The following B4GALNT4 variants were observed in gnomAD, a reference collection of about 807,000 sequenced individuals.
B4GALNT4 encodes the protein N-acetyl-beta-glucosaminyl-glycoprotein 4-beta-N-acetylgalactosaminyltransferase 1.
In B4GALNT4, 77 loss-of-function variants were observed where a neutral mutation model predicts 110.0. The ratio of observed to expected loss-of-function variants is 0.70; its 90% CI spans 0.58 to 0.85. B4GALNT4 has a LOEUF of 0.85. Ranked by LOEUF, B4GALNT4 falls within the 40% of genes least tolerant of loss-of-function variation. The probability of loss-of-function intolerance (pLI) is 0.00; values close to 1 mark genes in which losing one functional copy is unlikely to be tolerated. For synonymous variants in B4GALNT4, 785 were observed against 655.5 expected (o/e 1.20, Z -3.02); for missense variants, 1,575 against 1,506.0 (o/e 1.05, Z -0.76).
rs1846649400 is a variant in B4GALNT4 at position 373,101 on chromosome 11, C to T, written c.520C>T (p.His174Tyr). Residue 174 changes from histidine to tyrosine, a missense_variant, in exon 5 of 20, where the codon CAC becomes TAC. Physicochemically the swap from His to Tyr is moderately conservative, Grantham distance 83. Transcript: ENST00000329962. ...TGGACTCCGTATTTTTGGTTTCATC[C>T]ACCCGGCGAGGGACGGTACGGGGGT... The part of the protein sequence containing the change: ...NYGLRIFGFI[H>Y]PARDGDVQFS... The T allele has an allele frequency of 1.9e-6, 3 of 1,612,426 alleles. No homozygotes were observed. Among genetic ancestry groups the T allele is most frequent in the African/African-American group, 1.3e-5 (1 of 74,846 alleles).
At position 373,846 on chromosome 11, in the gene B4GALNT4, C is replaced by T. The variant is rs751408828; in HGVS notation, c.783+18C>T. 1.2e-6 allele frequency: 2 copies of T among 1,609,906 alleles called. No individual in the cohort carries two copies. The highest frequency in any genetic ancestry group is 4.5e-5 in the East Asian group (2 of 44,838). Reference sequence around the variant, plus strand: ...AAGTGGGCGTGAGTGCCTTCCTCCCCTGGGGGCTTCTGGAGACTCCACTCC... The same window carrying T: ...AAGTGGGCGTGAGTGCCTTCCTCCCTTGGGGGCTTCTGGAGACTCCACTCC... On this transcript the variant is annotated intron_variant, in intron 8 of 19. Transcript: ENST00000329962.
intron 14 of B4GALNT4, among the ~76,000 whole-genome samples, chr11:378,631 C>A (rs886704049): frequency 2.2e-4 from 34 of 152,120 alleles, no homozygotes; most frequent in Non-Finnish European, 5.9e-5. Context: ...CAAGGGAGGA[C>A]GTGAGGCCGA....
In B4GALNT4 at chr11:375,584, G is replaced by C; in HGVS notation, c.851-55G>C. The C allele has an allele frequency of 4.4e-6, 7 of 1,602,408 alleles. No homozygotes were observed. The South Asian group carries it at 6.6e-5, about 15-fold the overall frequency. Reference sequence around the variant, plus strand: ...TCCTCGGGATGGGCTCTGGGTGTGAGTGGGAAGAGTGGAGGAGGGGGTCTG... The same window carrying C: ...TCCTCGGGATGGGCTCTGGGTGTGACTGGGAAGAGTGGAGGAGGGGGTCTG... On this transcript the variant is annotated intron_variant, in intron 9 of 19. Coordinates refer to ENST00000329962, the MANE Select transcript of B4GALNT4 (RefSeq NM_178537.5).
Position 369,963 on chromosome 11 carries a change from C to A in B4GALNT4, c.151+9C>A, listed in dbSNP as rs1417899058. ...CCTGGGCTACGGGCGAGGTACGGCG[C>A]GGGGGGCGCGGGGGGCGCGGGGGGC... On this transcript the variant is annotated intron_variant, in intron 1 of 19. Transcript: ENST00000329962. The A allele has an allele frequency of 3.9e-6, 1 of 258,790 alleles. No individual in the cohort carries two copies. Among genetic ancestry groups the A allele is most frequent in the Non-Finnish European group, 4.8e-6 (1 of 209,734 alleles). The allele number at this position is 258,790 out of a possible 1,614,324, so 16.0% of individuals were successfully genotyped here.
intron 18 of B4GALNT4, 177 bp from the exon 19 acceptor site, chr11:380,648 C>A: frequency 7.9e-7 from 1 of 1,263,026 alleles, no homozygotes; most frequent in Non-Finnish European, 1.1e-6. Context: ...TCCAGTATCC[C>A]GCGTTTATGC....
intron 14 of B4GALNT4, 68 bp downstream of exon 14, chr11:377,395 T>C: frequency 1.4e-6 from 2 of 1,413,454 alleles, no homozygotes; most frequent in Non-Finnish European, 9.2e-7. Flanking sequence ...GAGGAGGTCC[T>C]GGCCTTGGCG....
chr11:372,825 C>T, intron 3 of B4GALNT4, 27 bp from the exon 4 acceptor site: 1 of 1,580,680 alleles, frequency 6.3e-7, no homozygotes, highest in South Asian at 1.1e-5. Context: ...GCGGGCCGTG[C>T]AGAAGGTAAG....
At chr11:375,330 T>C in intron 8 of B4GALNT4, 131 bp from the exon 9 acceptor site, 1 of 948,800 alleles carries the variant, frequency 1.1e-6, no homozygotes, top group Admixed American at 1.7e-5. Flanking sequence ...CGGACCCCTC[T>C]GCCATCTCCT....
Position 376,546 on chromosome 11 carries a change from GCCCCGCCGACCCCT to G in B4GALNT4, c.1431_1444del (p.Thr478ProfsTer195). 8.1e-7 allele frequency: 1 copy of G among 1,241,132 alleles called. No homozygotes were observed. The highest frequency in any genetic ancestry group is 1.0e-6 in the Non-Finnish European group (1 of 994,022). 76.9% of individuals were successfully genotyped at this position (1,241,132 alleles called of 1,614,324 possible). On this transcript the variant is annotated frameshift_variant, in exon 14 of 20. Coordinates refer to ENST00000329962, the MANE Select transcript of B4GALNT4 (RefSeq NM_178537.5). LOFTEE classifies it high-confidence loss of function. ...CCCCGCCCAGCCCGGAGCCACCCTCGCCCCGCCGACCCCTCCCCGCCCCCGGGACGGGGGGACCC... is the reference window on the plus strand; with the variant it reads ...CCCCGCCCAGCCCGGAGCCACCCTCGCCCCGCCCCCGGGACGGGGGGACCC...
At chr11:380,086 T>A in intron 16 of B4GALNT4, 44 bp from the exon 17 acceptor site, 1 of 1,592,510 alleles carries the variant, frequency 6.3e-7, no homozygotes, top group Non-Finnish European at 8.6e-7. Flanking sequence ...TGGGTTTTCC[T>A]GACCCCACCC....
At chr11:377,951 G>A (rs1846793933) in intron 14 of B4GALNT4, among the ~76,000 whole-genome samples, 1 of 152,250 alleles carries the variant, frequency 6.6e-6, no homozygotes, top group Admixed American at 6.5e-5. Flanking sequence ...CTAAGAAGAG[G>A]CAGTGTCTGC....
rs958429279 is a variant in B4GALNT4, at chr11:377,137, C to T, written c.2014C>T (p.Leu672Phe). Residue 672 changes from leucine (L) to phenylalanine (F), a missense_variant, in exon 14 of 20, where the codon CTC becomes TTC. Transcript: ENST00000329962. ...EDSEEAAGPALGRWREDAIDW... is the reference protein window; with the variant it reads ...EDSEEAAGPAFGRWREDAIDW... ...CAGCGAGGAGGCCGCGGGCCCGGCG[C>T]TCGGACGCTGGCGTGAGGACGCCAT... is the stretch of plus-strand genomic sequence containing the variant. 21 of 1,520,376 alleles carry T rather than the reference C, an allele frequency of 1.4e-5. No individual in the cohort carries two copies. Among genetic ancestry groups the T allele is most frequent in the Non-Finnish European group, 1.8e-5 (20 of 1,135,204 alleles). 94.2% of individuals were successfully genotyped at this position (1,520,376 alleles called of 1,614,324 possible). A position where few individuals can be genotyped will look rare whatever the true frequency, so the allele number is the denominator to read the frequency against.
At chr11:376,015 C>T (rs1846739763) in intron 11 of B4GALNT4, 59 bp downstream of exon 11, 2 of 1,603,584 alleles carry the variant, frequency 1.2e-6, no homozygotes, top group African/African-American at 2.7e-5. Context: ...TTCTCCAGCC[C>T]CTTGGGAGGC....
intron 1 of B4GALNT4, among the ~76,000 whole-genome samples, chr11:370,432 C>T (rs1178171211): frequency 1.3e-5 from 2 of 151,994 alleles, no homozygotes; most frequent in African/African-American, 2.4e-5. Context: ...GCCGGTGCAG[C>T]TGGGACGCTT....
At chr11:374,537 G>A (rs1846685979) in intron 8 of B4GALNT4, among the ~76,000 whole-genome samples, 1 of 138,974 alleles carries the variant, frequency 7.2e-6, no homozygotes, top group Admixed American at 7.0e-5. Flanking sequence ...GGATGAGGTG[G>A]GAACAGAAGG....
At position 381,780 on chromosome 11, in the gene B4GALNT4, G is replaced by A. The variant is rs918713507; in HGVS notation, c.3108G>A (p.Thr1036=). Reference sequence around the variant, plus strand: ...TCCGCAGCAGGAAGGGCTCTCGCACGGGGGCGTCTTGAGGACGGGCAGCCC... The same window carrying A: ...TCCGCAGCAGGAAGGGCTCTCGCACAGGGGCGTCTTGAGGACGGGCAGCCC... ...WSVRSRKGSR[T]GAS is the part of the protein sequence containing the mutation. The change falls in exon 20 of 20, where the codon ACG becomes ACA. Residue 1036 remains threonine (T), a synonymous_variant. Coordinates refer to ENST00000329962, the MANE Select transcript of B4GALNT4 (RefSeq NM_178537.5). 1.5e-5 allele frequency: 24 copies of A among 1,580,430 alleles called. 1 individual carries two copies. In the African/African-American group the frequency reaches 1.5e-4, roughly 10 times the overall value.
rs1255292554 is a variant in B4GALNT4, at chr11:380,401, T to TGGTCATGC, written c.2827_2834dup (p.Leu946SerfsTer4). The TGGTCATGC allele has an allele frequency of 1.9e-6, 3 of 1,612,344 alleles. No homozygotes were observed. The highest frequency in any genetic ancestry group is 2.5e-6 in the Non-Finnish European group (3 of 1,179,576). ...GAGGGCAGGCTGGCCTTCGCGCCCG[T>TGGTCATGC]GGTCATGCGCCTGAGCTGCGGGAGC... is the stretch of plus-strand genomic sequence containing the variant. On this transcript the variant is annotated frameshift_variant, in exon 18 of 20. Transcript: ENST00000329962. LOFTEE classifies it high-confidence loss of function.
At chr11:374,471 C>T (rs1208733448) in intron 8 of B4GALNT4, among the ~76,000 whole-genome samples, 1 of 148,108 alleles carries the variant, frequency 6.8e-6, no homozygotes, top group East Asian at 2.1e-4. Context: ...CCCAGCTCAG[C>T]TGGGCAGAGG....
In B4GALNT4 at chr11:375,624, C is replaced by G. The variant is rs770851487; in HGVS notation, c.851-15C>G. 23 of 1,592,134 alleles carry G rather than the reference C, an allele frequency of 1.4e-5. No individual in the cohort carries two copies. In the South Asian group the frequency reaches 2.5e-4, roughly 18 times the overall value. On this transcript the variant is annotated splice_polypyrimidine_tract_variant and intron_variant, in intron 9 of 19. Coordinates refer to ENST00000329962, the MANE Select transcript of B4GALNT4 (RefSeq NM_178537.5). Reference sequence around the variant, plus strand: ...GAGGGGGTCTGAGCACTCCCTGGAACTCTTCTGCCCCCAGATGAGTCAGCC... The same window carrying G: ...GAGGGGGTCTGAGCACTCCCTGGAAGTCTTCTGCCCCCAGATGAGTCAGCC...
Sources: allele counts gnomAD v4.1 joint callset (sites outside exome capture counted in the v4.1 genomes callset), GRCh38; gene constraint gnomAD v4.1.1; transcripts MANE v1.5; gene names NCBI Gene and HGNC (gene_info 2026-07-23, HGNC 2026-07-21).